The following ITGB3 variants were observed in gnomAD, a reference collection of about 807,000 sequenced individuals.
The protein encoded by ITGB3 is integrin beta-3.
Under a neutral mutation model 85.8 loss-of-function variants are expected in ITGB3, and 48 were observed. The ratio of observed to expected loss-of-function variants is 0.56; its 90% CI spans 0.44 to 0.71. ITGB3 has a LOEUF of 0.71. Among genes scored for constraint, ITGB3 ranks in the 30% least tolerant of loss-of-function variants. The probability of loss-of-function intolerance (pLI) is 0.00; values close to 1 mark genes in which losing one functional copy is unlikely to be tolerated. For synonymous variants in ITGB3, 363 were observed against 395.6 expected (o/e 0.92, Z 0.98); for missense variants, 861 against 1,019.1 (o/e 0.84, Z 2.11).
intron 2 of ITGB3, among the ~76,000 whole-genome samples, chr17:47,280,211 G>T (rs1039372237): frequency 6.6e-6 from 1 of 152,232 alleles, no homozygotes; most frequent in African/African-American, 2.4e-5. Flanking sequence ...CTTACTTCTT[G>T]CCTGGGCCAG....
chr17:47,295,784 G>A (rs2065143812), intron 10 of ITGB3, among the ~76,000 whole-genome samples: 1 of 145,360 alleles, frequency 6.9e-6, no homozygotes, highest in African/African-American at 2.5e-5. Context: ...GCGGGTGGGG[G>A]GGCAGCTCTG....
chr17:47,287,911 CTTTTTTTTTTTT>C (rs60463106), intron 6 of ITGB3, among the ~76,000 whole-genome samples: 49 of 55,394 alleles, frequency 8.8e-4, no homozygotes, highest in Admixed American at 3.7e-3. Context: ...ACCACCCCTG[CTTTTTTTTTTTT>C]TTTTTTTTTT....
At chr17:47,285,872 C>G (rs2065100663) in intron 4 of ITGB3, among the ~76,000 whole-genome samples, 1 of 152,162 alleles carries the variant, frequency 6.6e-6, no homozygotes, top group Non-Finnish European at 1.5e-5. Flanking sequence ...GAGCCTCGCT[C>G]TGGTCTAAGT....
chr17:47,255,701 T>A (rs1276522630), intron 1 of ITGB3, among the ~76,000 whole-genome samples: 1 of 152,224 alleles, frequency 6.6e-6, no homozygotes, highest in Non-Finnish European at 1.5e-5. Context: ...ATTACAGGCG[T>A]GAGCCACCGC....
chr17:47,286,356 T>G lies in ITGB3; in HGVS notation c.711T>G (p.Ser237Arg), dbSNP rs779306732. 3 of 1,613,934 alleles carry G rather than the reference T, an allele frequency of 1.9e-6. No individual in the cohort carries two copies. Among genetic ancestry groups the G allele is most frequent in the South Asian group, 1.1e-5 (1 of 91,050 alleles). Residue 237 changes from serine to arginine, a missense_variant, in exon 5 of 15, where the codon AGT (serine) becomes AGG (arginine). Coordinates refer to ENST00000559488, the MANE Select transcript of ITGB3 (RefSeq NM_000212.3). ...TRFNEEVKKQ[S>R]VSRNRDAPEG... is the part of the protein sequence containing the mutation. Reference sequence around the variant, plus strand: ...TCAATGAGGAAGTGAAGAAGCAGAGTGTGTCACGGAACCGAGATGCCCCAG... The same window carrying G: ...TCAATGAGGAAGTGAAGAAGCAGAGGGTGTCACGGAACCGAGATGCCCCAG...
At chr17:47,254,398 G>C (rs1020806200) in intron 1 of ITGB3, among the ~76,000 whole-genome samples, 1 of 152,226 alleles carries the variant, frequency 6.6e-6, no homozygotes, top group Non-Finnish European at 1.5e-5. Context: ...GTGCGCGCGC[G>C]CGGGTTTGCC....
intron 2 of ITGB3, 29 bp from the exon 3 acceptor site, chr17:47,283,325 G>A: frequency 1.2e-6 from 2 of 1,612,224 alleles, no homozygotes; most frequent in South Asian, 2.2e-5. Flanking sequence ...TCTGATTGCT[G>A]GACTTCTCTT....
intron 1 of ITGB3, among the ~76,000 whole-genome samples, chr17:47,270,243 C>G (rs1178914992): frequency 2.0e-5 from 3 of 152,218 alleles, no homozygotes; most frequent in Admixed American, 2.0e-4. Context: ...CTTCCCTCTT[C>G]TAACCCTTCT....
chr17:47,291,688 G>A (rs2065126382), intron 9 of ITGB3, among the ~76,000 whole-genome samples: 1 of 152,182 alleles, frequency 6.6e-6, no homozygotes, highest in Non-Finnish European at 1.5e-5. Flanking sequence ...ATGCTTTATT[G>A]CATAAGCTAT....
At chr17:47,285,745 T>C (rs1433462238) in intron 4 of ITGB3, among the ~76,000 whole-genome samples, 1 of 152,254 alleles carries the variant, frequency 6.6e-6, no homozygotes, top group African/African-American at 2.4e-5. Context: ...GAAATGCTCC[T>C]GTCTTGCATG....
intron 14 of ITGB3, 48 bp downstream of exon 14, chr17:47,307,685 T>C: frequency 6.3e-7 from 1 of 1,576,396 alleles, no homozygotes; most frequent in Non-Finnish European, 8.7e-7. Flanking sequence ...TCTGAGACTC[T>C]TAAGTGGAAG....
chr17:47,260,532 A>G (rs1951216510), intron 1 of ITGB3, among the ~76,000 whole-genome samples: 1 of 152,240 alleles, frequency 6.6e-6, no homozygotes, highest in Admixed American at 6.5e-5. Flanking sequence ...TCAACCCTAC[A>G]TCTCTTTGCT....
intron 3 of ITGB3, 87 bp from the exon 4 acceptor site, chr17:47,284,356 A>C: frequency 6.5e-7 from 1 of 1,544,484 alleles, no homozygotes; most frequent in South Asian, 1.1e-5. Context: ...TTGATCATGC[A>C]ATTTCTTAGT....
Position 47,298,733 on chromosome 17 carries a change from G to C in ITGB3, c.1691-575G>C, listed in dbSNP as rs192468537. Among the ~76,000 whole-genome samples the C allele has an allele frequency of 2.0e-5, 3 of 152,308 alleles. No individual in the cohort carries two copies. The East Asian group carries it at 5.8e-4, about 29-fold the overall frequency. On this transcript the variant is annotated intron_variant, in intron 10 of 14. Transcript: ENST00000559488. Reference sequence around the variant, plus strand: ...CCTATGTTGTTGTCTAACCCAACTGGGTGGCCACGATGACGACAATGGTAG... The same window carrying C: ...CCTATGTTGTTGTCTAACCCAACTGCGTGGCCACGATGACGACAATGGTAG...
chr17:47,312,494 T>G lies in ITGB3; in HGVS notation c.*2290T>G, dbSNP rs1383050347. Among the ~76,000 whole-genome samples, 2 of 152,216 alleles carry G rather than the reference T, an allele frequency of 1.3e-5. No individual in the cohort carries two copies. Among genetic ancestry groups the G allele is most frequent in the Non-Finnish European group, 2.9e-5 (2 of 68,038 alleles). On this transcript the variant is annotated 3_prime_UTR_variant, in exon 15 of 15. Coordinates refer to ENST00000559488, the MANE Select transcript of ITGB3 (RefSeq NM_000212.3). Reference sequence around the variant, plus strand: ...GAAGCTCATGCCTGTAATTATAACCTTCAGCTACTAAGACAGGTGTGGTGG... The same window carrying G: ...GAAGCTCATGCCTGTAATTATAACCGTCAGCTACTAAGACAGGTGTGGTGG...
In ITGB3 at chr17:47,310,356, C is replaced by T. The variant is rs568118228; in HGVS notation, c.*152C>T. ...AATGTCAGTATGTGGAAGTGTGGGT[C>T]TGTGTGTGTGTATGTGGGGGTCTGT... On this transcript the variant is annotated 3_prime_UTR_variant, in exon 15 of 15. Transcript: ENST00000559488. 12 of 731,662 alleles carry T rather than the reference C, an allele frequency of 1.6e-5. No individual in the cohort carries two copies. The East Asian group carries it at 2.7e-4, about 16-fold the overall frequency. 45.3% of individuals were successfully genotyped at this position (731,662 alleles called of 1,614,324 possible). A position where few individuals can be genotyped will look rare whatever the true frequency, so the allele number is the denominator to read the frequency against.
intron 8 of ITGB3, 66 bp downstream of exon 8, chr17:47,290,340 T>C: frequency 1.5e-6 from 2 of 1,368,568 alleles, no homozygotes; most frequent in Non-Finnish European, 1.0e-6. Flanking sequence ...ACAGCAGGGC[T>C]CAGATTTGTG....
rs771091808 is a variant in ITGB3 at position 47,253,960 on chromosome 17, G to T, written c.79+20G>T. 5.0e-6 allele frequency: 7 copies of T among 1,391,338 alleles called. No homozygotes were observed. In the East Asian group the frequency reaches 1.2e-4, roughly 24 times the overall value. 86.2% of individuals were successfully genotyped at this position (1,391,338 alleles called of 1,614,324 possible). A position where few individuals can be genotyped will look rare whatever the true frequency, so the allele number is the denominator to read the frequency against. ...TAGGAGGTGAGTGAGGCTCCGGCTC[G>T]GCAGCGTCGCAGCTGCCCCAGGATC... On this transcript the variant is annotated intron_variant, in intron 1 of 14. Transcript: ENST00000559488.
chr17:47,300,005 T>C (rs1204652760), intron 11 of ITGB3, among the ~76,000 whole-genome samples: 1 of 152,236 alleles, frequency 6.6e-6, no homozygotes, highest in Non-Finnish European at 1.5e-5. Flanking sequence ...GTGTGCAACC[T>C]ATGCAGCTGT....
Sources: gnomAD v4.1 joint callset for allele counts (sites outside exome capture counted in the v4.1 genomes callset) on GRCh38, gnomAD v4.1.1 for gene constraint, MANE v1.5 for transcripts, NCBI Gene and HGNC (gene_info 2026-07-23, HGNC 2026-07-21) for gene names.